The following TNFAIP2 variants were observed in gnomAD, a reference collection of about 807,000 sequenced individuals.
TNFAIP2 encodes the protein tumor necrosis factor alpha-induced protein 2.
TNFAIP2 carries 47 observed loss-of-function variants against 63.5 expected under a neutral mutation model. That is an observed-to-expected ratio of 0.74 (90% CI 0.59 to 0.94). TNFAIP2 has a LOEUF of 0.94. Among genes scored for constraint, TNFAIP2 ranks in the 40% least tolerant of loss-of-function variants. TNFAIP2 has a pLI of 0.00. For missense variants in TNFAIP2, 787 were observed against 850.2 expected (o/e 0.93, Z 0.92); for synonymous variants, 405 against 390.2 (o/e 1.04, Z -0.45).
rs1454168899 is a variant in TNFAIP2, at chr14:103,135,715, C to T, written c.*355C>T. 4.0e-6 allele frequency: 5 copies of T among 1,245,818 alleles called. No homozygotes were observed. The highest frequency in any genetic ancestry group is 5.0e-5 in the East Asian group (1 of 20,198). The allele number at this position is 1,245,818 out of a possible 1,614,324, so 77.2% of individuals were successfully genotyped here. A position where few individuals can be genotyped will look rare whatever the true frequency, so the allele number is the denominator to read the frequency against. ...CCTCTGTCCAGAGCCCCTCCACAGT[C>T]GGCCTCATGACTGTCCTCCTCGTGG... On this transcript the variant is annotated 3_prime_UTR_variant, in exon 12 of 12. Coordinates refer to ENST00000560869, the MANE Select transcript of TNFAIP2 (RefSeq NM_006291.4). This position sits in a 1 kb window ranked among gnomAD's most constrained non-coding sequence, Gnocchi z 7.6.
At chr14:103,125,920 G>A (rs2087843202) in intron 1 of TNFAIP2, among the ~76,000 whole-genome samples, 1 of 152,198 alleles carries the variant, frequency 6.6e-6, no homozygotes, top group Admixed American at 6.5e-5. Flanking sequence ...AAGGGACAGA[G>A]CCCATGCCCC....
chr14:103,132,956 A>T, intron 9 of TNFAIP2, 84 bp downstream of exon 9: 1 of 1,575,814 alleles, frequency 6.3e-7, no homozygotes, highest in Non-Finnish European at 8.6e-7. Flanking sequence ...GTGTACACTC[A>T]CGCACATGTG....
upstream of TNFAIP2, among the ~76,000 whole-genome samples, chr14:103,121,882 G>A (rs1295923317): frequency 1.3e-5 from 2 of 151,958 alleles, no homozygotes; most frequent in Non-Finnish European, 1.5e-5. Flanking sequence ...AATGGGAGGG[G>A]GGGTGAGGGG....
In TNFAIP2 at chr14:103,136,142, C is replaced by T; in HGVS notation, c.*782C>T. 1 of 765,020 alleles carries T rather than the reference C, an allele frequency of 1.3e-6. No individual in the cohort carries two copies. Among genetic ancestry groups the T allele is most frequent in the Non-Finnish European group, 1.8e-6 (1 of 556,422 alleles). The allele number at this position is 765,020 out of a possible 1,614,324, so 47.4% of individuals were successfully genotyped here. A position where few individuals can be genotyped will look rare whatever the true frequency, so the allele number is the denominator to read the frequency against. ...AAGGCAGGGACAGGCCCTGGGGGTG[C>T]CACCGTGGGCCCTGCCACCCAGAAG... On this transcript the variant is annotated 3_prime_UTR_variant, in exon 12 of 12. Coordinates refer to ENST00000560869, the MANE Select transcript of TNFAIP2 (RefSeq NM_006291.4).
rs1019346236 is a variant in TNFAIP2, at chr14:103,131,287, G to A, written c.1298+137G>A. 2.2e-6 allele frequency: 2 copies of A among 912,192 alleles called. No homozygotes were observed. Among genetic ancestry groups the A allele is most frequent in the African/African-American group, 1.7e-5 (1 of 60,604 alleles). 56.5% of individuals were successfully genotyped at this position (912,192 alleles called of 1,614,324 possible). A position where few individuals can be genotyped will look rare whatever the true frequency, so the allele number is the denominator to read the frequency against. On this transcript the variant is annotated intron_variant, in intron 7 of 11. Transcript: ENST00000560869. This position sits in a 1 kb window ranked among gnomAD's most constrained non-coding sequence, Gnocchi z 4.0. ...CCAGCAACATGTGTGAGGACTCCAC[G>A]GCCTGCAGCAGCAGCAGCAAACATT... is the stretch of plus-strand genomic sequence containing the variant.
rs1431188025 is a variant in TNFAIP2, at chr14:103,133,004, GCATGTGAACACGTGCA to G, written c.1545+144_1545+159del. The G allele has an allele frequency of 8.5e-6, 12 of 1,419,066 alleles. No individual in the cohort carries two copies. The Admixed American group carries it at 2.1e-4, about 25-fold the overall frequency. The allele number at this position is 1,419,066 out of a possible 1,614,324, so 87.9% of individuals were successfully genotyped here. A position where few individuals can be genotyped will look rare whatever the true frequency, so the allele number is the denominator to read the frequency against. Reference sequence around the variant, plus strand: ...CATGTGAACACACGTGAATGCACGAGCATGTGAACACGTGCACATGTGAACACACGTGAAGGCACGA... The same window carrying G: ...CATGTGAACACACGTGAATGCACGAGCATGTGAACACACGTGAAGGCACGA... On this transcript the variant is annotated intron_variant, in intron 9 of 11. Coordinates refer to ENST00000560869, the MANE Select transcript of TNFAIP2 (RefSeq NM_006291.4).
chr14:103,128,439 G>C (rs551463548), intron 3 of TNFAIP2, among the ~76,000 whole-genome samples: 8 of 152,334 alleles, frequency 5.3e-5, no homozygotes, highest in Admixed American at 4.6e-4. Context: ...TCATTCGCAC[G>C]GTCTGCATGG....
At position 103,127,080 on chromosome 14, in the gene TNFAIP2, T is replaced by TGGC. The variant is rs8176385; in HGVS notation, c.329_331dup (p.Ala110dup). ...CCGCTGCTGGCGCTGGAGCGGGAGC[T>TGGC]GGCGGCGGCGGCGGCGGCGGGCGGT... On this transcript the variant is annotated inframe_insertion, in exon 3 of 12. Transcript: ENST00000560869. This position sits in a 1 kb window ranked among gnomAD's most constrained non-coding sequence, Gnocchi z 5.1. 4,625 of 1,114,738 alleles carry TGGC rather than the reference T, an allele frequency of 4.1e-3. 136 individuals are homozygous for TGGC. The African/African-American group carries it at 0.069, about 17-fold the overall frequency. The allele number at this position is 1,114,738 out of a possible 1,614,324, so 69.1% of individuals were successfully genotyped here. A position where few individuals can be genotyped will look rare whatever the true frequency, so the allele number is the denominator to read the frequency against.
intron 4 of TNFAIP2, 37 bp from the exon 5 acceptor site, chr14:103,129,965 G>C: frequency 6.2e-7 from 1 of 1,609,504 alleles, no homozygotes; most frequent in Non-Finnish European, 8.5e-7. Context: ...AGCGAGGTGA[G>C]GGATAGTGCC....
chr14:103,129,705 A>G (rs777373495), intron 3 of TNFAIP2, 35 bp from the exon 4 acceptor site: 4 of 1,588,082 alleles, frequency 2.5e-6, no homozygotes, highest in East Asian at 2.2e-5. Context: ...CTGATTTGGT[A>G]TAGTTGTCCT....
intron 11 of TNFAIP2, among the ~76,000 whole-genome samples, chr14:103,134,155 G>T (rs1234849510): frequency 6.6e-6 from 1 of 152,242 alleles, no homozygotes; most frequent in Non-Finnish European, 1.5e-5. Flanking sequence ...TGCGGCCTAG[G>T]CCTATGCTCT....
intron 8 of TNFAIP2, among the ~76,000 whole-genome samples, chr14:103,132,086 G>C: frequency 9.5e-6 from 1 of 105,380 alleles, no homozygotes; most frequent in Admixed American, 9.0e-5. Flanking sequence ...AAGTTTCACT[G>C]CCCCTCCCCG....
At position 103,130,295 on chromosome 14, in the gene TNFAIP2, C is replaced by T. The variant is rs1375742228; in HGVS notation, c.1099-20C>T. 3 of 1,546,152 alleles carry T rather than the reference C, an allele frequency of 1.9e-6. No homozygotes were observed. Among genetic ancestry groups the T allele is most frequent in the South Asian group, 1.2e-5 (1 of 84,010 alleles). On this transcript the variant is annotated intron_variant, in intron 5 of 11. Coordinates refer to ENST00000560869, the MANE Select transcript of TNFAIP2 (RefSeq NM_006291.4). ...TGTCCAGGCGAGCCCCTGCTCAGCT[C>T]ACCCACCACCACCCTGCAGATCACC... is the stretch of plus-strand genomic sequence containing the variant.
chr14:103,131,876 C>T lies in TNFAIP2; in HGVS notation c.1422+114C>T. 1 of 1,431,584 alleles carries T rather than the reference C, an allele frequency of 7.0e-7. No individual in the cohort carries two copies. Among genetic ancestry groups the T allele is most frequent in the South Asian group, 1.4e-5 (1 of 73,764 alleles). The allele number at this position is 1,431,584 out of a possible 1,614,324, so 88.7% of individuals were successfully genotyped here. A position where few individuals can be genotyped will look rare whatever the true frequency, so the allele number is the denominator to read the frequency against. On this transcript the variant is annotated intron_variant, in intron 8 of 11. Transcript: ENST00000560869. The surrounding 1 kb of genome is among the most constrained non-coding windows in gnomAD (Gnocchi z 4.0). ...GCAAAGATGTGGGGAAGACACGCTC[C>T]AGGCCTGTGGACGGCACCGTGGGCC...
chr14:103,125,708 T>G (rs896881473), intron 1 of TNFAIP2, among the ~76,000 whole-genome samples: 1 of 152,188 alleles, frequency 6.6e-6, no homozygotes, highest in African/African-American at 2.4e-5. Flanking sequence ...CTTCTGTAGA[T>G]CCTGGTCAGG....
At chr14:103,125,063 C>T (rs1200366047) in intron 1 of TNFAIP2, among the ~76,000 whole-genome samples, 2 of 152,242 alleles carry the variant, frequency 1.3e-5, no homozygotes, top group Admixed American at 6.5e-5. Context: ...CCTACTCAGC[C>T]TCAGTTTCTC....
Position 103,135,609 on chromosome 14 carries a change from T to C in TNFAIP2, c.*249T>C, listed in dbSNP as rs1251481415. ...GCCAACCAGGCAACACCAAGGACTC[T>C]TTGTAAACGATAGCTGATCGTGTGC... On this transcript the variant is annotated 3_prime_UTR_variant, in exon 12 of 12. Coordinates refer to ENST00000560869, the MANE Select transcript of TNFAIP2 (RefSeq NM_006291.4). This position sits in a 1 kb window ranked among gnomAD's most constrained non-coding sequence, Gnocchi z 7.6. 2.8e-5 allele frequency: 39 copies of C among 1,387,204 alleles called. No individual in the cohort carries two copies. The highest frequency in any genetic ancestry group is 3.6e-5 in the Non-Finnish European group (39 of 1,070,028). The allele number at this position is 1,387,204 out of a possible 1,614,324, so 85.9% of individuals were successfully genotyped here.
Position 103,131,169 on chromosome 14 carries a change from G to T in TNFAIP2, c.1298+19G>T, listed in dbSNP as rs1486070411. 5 of 1,613,036 alleles carry T rather than the reference G, an allele frequency of 3.1e-6. No homozygotes were observed. In the South Asian group the frequency reaches 3.3e-5, roughly 11 times the overall value. ...CCTTCCGGTGAGAGTGTTGGGAGGG[G>T]CTTGCGGGAGTGGGAGTCACTCAGC... On this transcript the variant is annotated intron_variant, in intron 7 of 11. Coordinates refer to ENST00000560869, the MANE Select transcript of TNFAIP2 (RefSeq NM_006291.4). This position sits in a 1 kb window ranked among gnomAD's most constrained non-coding sequence, Gnocchi z 4.0.
chr14:103,126,673 G>T lies in TNFAIP2; in HGVS notation c.216G>T (p.Leu72=). ...PEDAAGSRQG[L]DGPPPTVEEL... ...ACGCAGCCGGGTCCAGGCAGGGGCT[G>T]GATGGCCCGCCCCCCACAGGTGCTC... The change falls in exon 2 of 12, where the codon CTG becomes CTT. Residue 72 remains leucine, a synonymous_variant. Coordinates refer to ENST00000560869, the MANE Select transcript of TNFAIP2 (RefSeq NM_006291.4). 6.4e-7 allele frequency: 1 copy of T among 1,557,310 alleles called. No individual in the cohort carries two copies. Among genetic ancestry groups the T allele is most frequent in the East Asian group, 2.4e-5 (1 of 42,316 alleles).
Sources: gnomAD v4.1 joint callset for allele counts (sites outside exome capture counted in the v4.1 genomes callset) on GRCh38, gnomAD v4.1.1 for gene constraint, Gnocchi (gnomAD v3.1) non-coding constraint, MANE v1.5 for transcripts, NCBI Gene and HGNC (gene_info 2026-07-23, HGNC 2026-07-21) for gene names.